The following ADGRL3 variants were observed in gnomAD, a reference collection of about 807,000 sequenced individuals.
The protein encoded by ADGRL3 is calcium-independent alpha-latrotoxin receptor 3.
ADGRL3 carries 62 observed loss-of-function variants against 153.5 expected under a neutral mutation model. The observed-to-expected ratio is 0.40, with a 90% CI of 0.33 to 0.50. ADGRL3 has a LOEUF of 0.50. ADGRL3 is among the 20% of genes least tolerant of loss of function. ADGRL3 has a pLI of 0.47. For synonymous variants in ADGRL3, 710 were observed against 672.5 expected, an observed-to-expected ratio of 1.06 and a Z score of -0.86; for missense variants, 1,641 against 1,859.4, an observed-to-expected ratio of 0.88 and a Z score of 2.16.
chr4:61,332,606 C>T (rs1241781263), intron 1 of ADGRL3, among the ~76,000 whole-genome samples: 3 of 151,946 alleles, frequency 2.0e-5, no homozygotes, highest in East Asian at 3.9e-4. Flanking sequence ...TGTGTTTTCT[C>T]GTGATTTATC....
intron 15 of ADGRL3, among the ~76,000 whole-genome samples, chr4:61,945,654 G>A (rs2098918073): frequency 7.0e-6 from 1 of 143,496 alleles, no homozygotes; most frequent in Admixed American, 7.1e-5. Flanking sequence ...CGTTTCTTAA[G>A]CCGGTCTGAA....
intron 23 of ADGRL3, 151 bp from the exon 24 acceptor site, chr4:62,037,580 A>G: frequency 2.4e-6 from 2 of 850,440 alleles, no homozygotes; most frequent in South Asian, 1.8e-5. Flanking sequence ...ATTATGTTGT[A>G]TTGTAAAATA....
In ADGRL3 at chr4:61,895,820, C is replaced by G; in HGVS notation, c.1873C>G (p.His625Asp). 1 of 1,576,516 alleles carries G rather than the reference C, an allele frequency of 6.3e-7. No homozygotes were observed. The highest frequency in any genetic ancestry group is 8.6e-7 in the Non-Finnish European group (1 of 1,158,122). Reference sequence around the variant, plus strand: ...CAACTGTTCTTCTCCTTGGGTCAATCATATAACACAGAAGGTAAATCTTGT... The same window carrying G: ...CAACTGTTCTTCTCCTTGGGTCAATGATATAACACAGAAGGTAAATCTTGT... ...LSNCSSPWVN[H>D]ITQKLKSGET... The change falls in exon 11 of 27, where the codon CAT becomes GAT. Residue 625 changes from histidine to aspartate, a missense_variant. His to Asp is a moderately conservative substitution (Grantham distance 81). Coordinates refer to ENST00000683033, the MANE Select transcript of ADGRL3 (RefSeq NM_001387552.1).
chr4:62,026,012 G>C (rs893476994), intron 21 of ADGRL3, among the ~76,000 whole-genome samples: 4 of 151,966 alleles, frequency 2.6e-5, no homozygotes, highest in African/African-American at 9.7e-5. Flanking sequence ...GATTATCTAG[G>C]CCAGTAGAAT....
At chr4:61,616,871 T>C (rs562981166) in intron 5 of ADGRL3, among the ~76,000 whole-genome samples, 1 of 152,192 alleles carries the variant, frequency 6.6e-6, no homozygotes, top group Non-Finnish European at 1.5e-5. Context: ...CCCAGCCTGA[T>C]CTCAAACTCC....
At chr4:61,301,286 C>T (rs183373918) in intron 1 of ADGRL3, among the ~76,000 whole-genome samples, 42 of 152,180 alleles carry the variant, frequency 2.8e-4, no homozygotes, top group Non-Finnish European at 5.9e-4. Flanking sequence ...CCATTTTTAT[C>T]GGCTAAATAA....
intron 9 of ADGRL3, among the ~76,000 whole-genome samples, chr4:61,833,468 G>A (rs1449559101): frequency 6.6e-6 from 1 of 152,142 alleles, no homozygotes; most frequent in African/African-American, 2.4e-5. Context: ...AACTTGGTGG[G>A]TAGGAGCCAG....
chr4:61,446,682 G>A (rs1049180139), intron 2 of ADGRL3, among the ~76,000 whole-genome samples: 1 of 152,190 alleles, frequency 6.6e-6, no homozygotes, highest in African/African-American at 2.4e-5. Context: ...GTTTGTAAAT[G>A]TGGAGCTCTG....
At chr4:61,268,257 A>T (rs970015061) in intron 1 of ADGRL3, among the ~76,000 whole-genome samples, 2 of 151,702 alleles carry the variant, frequency 1.3e-5, no homozygotes, top group African/African-American at 4.8e-5. Flanking sequence ...CCTATTTTTA[A>T]AGGAAAAAGT....
chr4:61,832,287 A>G (rs1185181546), intron 9 of ADGRL3, among the ~76,000 whole-genome samples: 1 of 152,194 alleles, frequency 6.6e-6, no homozygotes, highest in Non-Finnish European at 1.5e-5. Context: ...GATGGGACCT[A>G]CAGGTTATGA....
intron 5 of ADGRL3, among the ~76,000 whole-genome samples, chr4:61,592,270 T>C (rs1485015698): frequency 6.6e-6 from 1 of 152,102 alleles, no homozygotes; most frequent in Non-Finnish European, 1.5e-5. Context: ...TTTTGGAGGG[T>C]ACATAGCCTA....
rs555857699 is a variant in ADGRL3, at chr4:61,762,480, T to A, written c.1399+28926T>A. ...TTGAGGTCAAAAAGACTATTTAAAT[T>A]TGATATTGAGGTGCTTGTCAAAAAT... On this transcript the variant is annotated intron_variant, in intron 8 of 26. Coordinates refer to ENST00000683033, the MANE Select transcript of ADGRL3 (RefSeq NM_001387552.1). 1.4e-4 allele frequency among the ~76,000 whole-genome samples: 22 copies of A among 152,242 alleles called. No individual in the cohort carries two copies. In the East Asian group the frequency reaches 4.1e-3, roughly 28 times the overall value.
At chr4:61,651,944 A>T (rs2094274155) in intron 5 of ADGRL3, among the ~76,000 whole-genome samples, 1 of 152,080 alleles carries the variant, frequency 6.6e-6, no homozygotes, top group Admixed American at 6.5e-5. Flanking sequence ...AGGTCATTTT[A>T]ATAATGTTTA....
At chr4:61,378,494 T>G (rs1242814638) in intron 1 of ADGRL3, among the ~76,000 whole-genome samples, 1 of 152,004 alleles carries the variant, frequency 6.6e-6, no homozygotes, top group Non-Finnish European at 1.5e-5. Context: ...CAAAAACAGT[T>G]GAGCCTAATT....
At chr4:61,959,006 T>C (rs769106595) in intron 17 of ADGRL3, among the ~76,000 whole-genome samples, 4 of 152,196 alleles carry the variant, frequency 2.6e-5, no homozygotes, top group Non-Finnish European at 5.9e-5. Context: ...GACCCAAAAG[T>C]AACCATTATA....
At chr4:61,965,114 C>T (rs563490162) in intron 17 of ADGRL3, among the ~76,000 whole-genome samples, 2 of 152,196 alleles carry the variant, frequency 1.3e-5, no homozygotes, top group South Asian at 4.1e-4. Flanking sequence ...CCTCCCTCTT[C>T]AGCCTCCCAA....
intron 2 of ADGRL3, among the ~76,000 whole-genome samples, chr4:61,403,725 T>C (rs2096958807): frequency 6.6e-6 from 1 of 152,132 alleles, no homozygotes. Context: ...AACGGGTGTT[T>C]GAAGTTGGGG....
At chr4:61,955,208 A>G (rs979883385) in intron 17 of ADGRL3, among the ~76,000 whole-genome samples, 16 of 152,294 alleles carry the variant, frequency 1.1e-4, no homozygotes, top group African/African-American at 3.6e-4. Flanking sequence ...TGAATAAGAA[A>G]ATACTGAGTA....
Position 62,070,139 on chromosome 4 carries a change from G to C in ADGRL3, c.3863G>C (p.Ser1288Thr). The change falls in exon 27 of 27, where the codon AGT becomes ACT. Residue 1288 changes from serine (S) to threonine (T), a missense_variant. This residue lies in a region of ADGRL3 where 517 missense variants were observed against 555.0 expected (regional missense o/e 0.93). Coordinates refer to ENST00000683033, the MANE Select transcript of ADGRL3 (RefSeq NM_001387552.1). ...CTTCTGAACAATGCCAGGGATACAA[G>C]TGTCATGGATACTCTACCACTGAAT... ...KGLLNNARDTSVMDTLPLNGN... is the reference protein window; with the variant it reads ...KGLLNNARDTTVMDTLPLNGN... The C allele has an allele frequency of 6.2e-7, 1 of 1,613,968 alleles. No individual in the cohort carries two copies. The highest frequency in any genetic ancestry group is 8.5e-7 in the Non-Finnish European group (1 of 1,179,930).
Sources: gnomAD v4.1 joint callset for allele counts (sites outside exome capture counted in the v4.1 genomes callset) on GRCh38, gnomAD v4.1.1 for gene constraint, gnomAD v4.1.1 regional missense constraint, MANE v1.5 for transcripts, NCBI Gene and HGNC (gene_info 2026-07-23, HGNC 2026-07-21) for gene names.